Variants in OR1J2 observed in about 807,000 individuals in gnomAD.
OR1J2 encodes the protein olfactory receptor 1J2.
For synonymous variants in OR1J2, 142 were observed against 99.7 expected (o/e 1.42, Z -2.52); for missense variants, 304 against 246.1 (o/e 1.24, Z -1.57).
the OR1J2 span, among the ~76,000 whole-genome samples, chr9:122,563,633 T>A: frequency 2.6e-5 from 4 of 152,248 alleles, no homozygotes; most frequent in African/African-American, 9.6e-5. Flanking sequence ...TCCATTTGTC[T>A]ATTTTTGCTT....
the OR1J2 span, among the ~76,000 whole-genome samples, chr9:122,525,205 A>T: frequency 1.3e-5 from 2 of 152,196 alleles, no homozygotes; most frequent in Non-Finnish European, 2.9e-5. Context: ...GTCATGAAAT[A>T]AATGGAATCC....
chr9:122,476,966 C>T, the OR1J2 span: 1 of 1,387,218 alleles, frequency 7.2e-7, no homozygotes, highest in Non-Finnish European at 1.0e-6. Context: ...CCTCAGCCTC[C>T]CAAAGTGTTG....
the OR1J2 span, among the ~76,000 whole-genome samples, chr9:122,458,994 C>G: frequency 6.6e-6 from 1 of 152,278 alleles, no homozygotes; most frequent in Middle Eastern, 3.4e-3. Flanking sequence ...ACCCTTTGCA[C>G]TATTCTACTC....
chr9:122,530,202 G>A, the OR1J2 span, among the ~76,000 whole-genome samples: 1 of 152,314 alleles, frequency 6.6e-6, no homozygotes, highest in Non-Finnish European at 1.5e-5. Context: ...AGCAGTGGCA[G>A]TTACGTTCAT....
chr9:122,480,440 C>T, the OR1J2 span, among the ~76,000 whole-genome samples: 1 of 152,076 alleles, frequency 6.6e-6, no homozygotes, highest in Non-Finnish European at 1.5e-5. Context: ...TAGGTTAAAA[C>T]ATATTTCTTT....
the OR1J2 span, chr9:122,477,921 G>A: frequency 1.5e-5 from 24 of 1,589,260 alleles, no homozygotes; most frequent in Middle Eastern, 1.7e-4. Flanking sequence ...GGTTCTCAGG[G>A]CTCATGTTTA....
chr9:122,503,239 CAA>C, the OR1J2 span, among the ~76,000 whole-genome samples: 7 of 152,174 alleles, frequency 4.6e-5, no homozygotes, highest in Admixed American at 2.0e-4. Flanking sequence ...AAATCCAAAA[CAA>C]GAGTATCTGA....
the OR1J2 span, among the ~76,000 whole-genome samples, chr9:122,535,391 C>T: frequency 6.6e-6 from 1 of 152,144 alleles, no homozygotes; most frequent in African/African-American, 2.4e-5. Flanking sequence ...AATGATTAAA[C>T]ACCAAGGGAA....
chr9:122,519,362 A>G, the OR1J2 span: 6 of 1,614,018 alleles, frequency 3.7e-6, no homozygotes, highest in Non-Finnish European at 5.1e-6. Context: ...TCTCCCTTTC[A>G]TCTGTCACTG....
At chr9:122,489,111 C>T in the OR1J2 span, among the ~76,000 whole-genome samples, 2,844 of 149,084 alleles carry the variant, frequency 0.019, 90 homozygotes, top group African/African-American at 0.066. Flanking sequence ...TGAATGAGAT[C>T]GACAAAACCG....
At chr9:122,504,221 T>C in the OR1J2 span, among the ~76,000 whole-genome samples, 23 of 152,226 alleles carry the variant, frequency 1.5e-4, no homozygotes, top group Non-Finnish European at 2.8e-4. Flanking sequence ...TCTGCTCTGC[T>C]AAAGCCCAGT....
At chr9:122,551,731 C>T in the OR1J2 span, among the ~76,000 whole-genome samples, 2 of 152,190 alleles carry the variant, frequency 1.3e-5, no homozygotes, top group South Asian at 2.1e-4. Context: ...GGAGAACAGG[C>T]TGCACAATGA....
chr9:122,473,828 A>G, the OR1J2 span, among the ~76,000 whole-genome samples: 2 of 152,180 alleles, frequency 1.3e-5, no homozygotes, highest in African/African-American at 2.4e-5. Flanking sequence ...AAGAAATGGT[A>G]AAAGATTTAT....
the OR1J2 span, among the ~76,000 whole-genome samples, chr9:122,530,061 A>G: frequency 0.17 from 26,011 of 152,208 alleles, 2,515 homozygotes; most frequent in African/African-American, 0.24. Context: ...TCAGGTTGAT[A>G]AACCAAGATT....
the OR1J2 span, among the ~76,000 whole-genome samples, chr9:122,572,469 A>C: frequency 6.6e-6 from 1 of 152,184 alleles, no homozygotes; most frequent in Non-Finnish European, 1.5e-5. Context: ...CACGGGGAAA[A>C]AGGAAGAAGG....
At chr9:122,552,981 A>G in the OR1J2 span, 4 of 566,074 alleles carry the variant, frequency 7.1e-6, no homozygotes, top group South Asian at 2.8e-5. Context: ...ACAAAGCACA[A>G]TTGAGATTTG....
chr9:122,482,495 G>A, the OR1J2 span, among the ~76,000 whole-genome samples: 2 of 152,172 alleles, frequency 1.3e-5, no homozygotes, highest in Non-Finnish European at 2.9e-5. Context: ...ACTACCATAT[G>A]ATCCAGCAAT....
chr9:122,467,300 C>G, the OR1J2 span, among the ~76,000 whole-genome samples: 1 of 152,210 alleles, frequency 6.6e-6, no homozygotes, highest in African/African-American at 2.4e-5. Context: ...TTGGTCTTCT[C>G]TCCAAGACAC....
At chr9:122,547,961 T>G in the OR1J2 span, among the ~76,000 whole-genome samples, 1 of 152,176 alleles carries the variant, frequency 6.6e-6, no homozygotes, top group Admixed American at 6.6e-5. Flanking sequence ...TCTATTATTT[T>G]TTGACTTTTA....
Sources: allele counts gnomAD v4.1 joint callset (sites outside exome capture counted in the v4.1 genomes callset), GRCh38; gene constraint gnomAD v4.1.1; transcripts MANE v1.5; gene names NCBI Gene and HGNC (gene_info 2026-07-23, HGNC 2026-07-21).